UNKL: variants seen among roughly 807,000 people sequenced by gnomAD.
UNKL encodes unk like zinc finger, also known as putative E3 ubiquitin-protein ligase UNKL.
Under a neutral mutation model 78.0 loss-of-function variants are expected in UNKL, and 60 were observed. That is an observed-to-expected ratio of 0.77 (90% confidence interval 0.63 to 0.95). UNKL has a LOEUF of 0.95. Ranked by LOEUF, UNKL falls within the 40% of genes least tolerant of loss-of-function variation. The probability of loss-of-function intolerance (pLI) is 0.00; values close to 1 mark genes in which losing one functional copy is unlikely to be tolerated. For missense variants in UNKL, 1,159 were observed against 1,045.7 expected (o/e 1.11, Z -1.49); for synonymous variants, 608 against 474.8 (o/e 1.28, Z -3.65).
At chr16:1,408,272 A>C (rs1328779554) in intron 2 of UNKL, among the ~76,000 whole-genome samples, 1 of 142,844 alleles carries the variant, frequency 7.0e-6, no homozygotes, top group Non-Finnish European at 1.6e-5. Context: ...CCCCCCCCCC[A>C]ACGACCAGGA....
rs913943432 is a variant in UNKL, at chr16:1,397,158, G to A, written c.852+20C>T. 1.3e-6 allele frequency: 2 copies of A among 1,543,670 alleles called. No individual in the cohort carries two copies. Among genetic ancestry groups the A allele is most frequent in the Non-Finnish European group, 8.7e-7 (1 of 1,144,338 alleles). On this transcript the variant is annotated intron_variant, in intron 6 of 14. Coordinates refer to ENST00000389221, the MANE Select transcript of UNKL (RefSeq NM_001372107.1). ...GGACCTTCCAGCGACCCCTACGCCT[G>A]GGGGGTTGGAGGGACGTACCTCGGG...
At chr16:1,413,800 C>A (rs1567245464) in intron 2 of UNKL, 46 bp downstream of exon 2, 10 of 1,479,022 alleles carry the variant, frequency 6.8e-6, no homozygotes, top group Middle Eastern at 2.4e-4. Flanking sequence ...CGGGTGGAGG[C>A]CCCCCACCTC....
intron 4 of UNKL, chr16:1,401,365 G>C (rs751081391): frequency 5.6e-6 from 3 of 531,592 alleles, no homozygotes; most frequent in Non-Finnish European, 8.9e-6. Context: ...GAGCAGGTGC[G>C]GGGGAAGGCG....
At chr16:1,385,549 G>C (rs1294899954) in intron 9 of UNKL, 164 bp from the exon 10 acceptor site, 8 of 614,906 alleles carry the variant, frequency 1.3e-5, no homozygotes, top group African/African-American at 5.8e-5. Flanking sequence ...CCGCACCGAG[G>C]AGAAACACCA....
chr16:1,414,170 C>A, intron 1 of UNKL, 115 bp from the exon 2 acceptor site: 1 of 1,083,194 alleles, frequency 9.2e-7, no homozygotes, highest in Non-Finnish European at 1.3e-6. Context: ...GACCCGTACT[C>A]ACATTCCCGG....
At position 1,366,124 on chromosome 16, in the gene UNKL, G is replaced by A. The variant is rs1260683872; in HGVS notation, c.*116C>T. 8 of 1,265,802 alleles carry A rather than the reference G, an allele frequency of 6.3e-6. No individual in the cohort carries two copies. Among genetic ancestry groups the A allele is most frequent in the African/African-American group, 1.5e-5 (1 of 65,950 alleles). 78.4% of individuals were successfully genotyped at this position (1,265,802 alleles called of 1,614,324 possible). On this transcript the variant is annotated 3_prime_UTR_variant, in exon 15 of 15. Coordinates refer to ENST00000389221, the MANE Select transcript of UNKL (RefSeq NM_001372107.1). ...CCTCATGATAACGTGTAACAGGAAG[G>A]GCTCCCAGCCTCGGTCCTCACGTCG...
chr16:1,376,740 C>T lies in UNKL; in HGVS notation c.1265-5129G>A, dbSNP rs1264389273. On this transcript the variant is annotated intron_variant, in intron 10 of 14. Transcript: ENST00000389221. Reference sequence around the variant, plus strand: ...TGGACGCCTGATGCTGCGGATAGCACGGAACCCCTATATACCAAGCTTTTT... The same window carrying T: ...TGGACGCCTGATGCTGCGGATAGCATGGAACCCCTATATACCAAGCTTTTT... Among the ~76,000 whole-genome samples the T allele has an allele frequency of 2.0e-5, 3 of 152,000 alleles. 1 individual carries two copies. The highest frequency in any genetic ancestry group is 4.1e-4 in the South Asian group (2 of 4,828).
rs1007075142 is a variant in UNKL, at chr16:1,371,781, C to A, written c.1265-170G>T. ...GACACCCCCAGCCCGTCCTCGCAGC[C>A]CCCCACAGGCAGTGTGAGGCTTGGC... On this transcript the variant is annotated intron_variant, in intron 10 of 14. Coordinates refer to ENST00000389221, the MANE Select transcript of UNKL (RefSeq NM_001372107.1). 6.6e-5 allele frequency among the ~76,000 whole-genome samples: 10 copies of A among 152,270 alleles called. No individual in the cohort carries two copies. The South Asian group carries it at 2.1e-3, about 32-fold the overall frequency.
Position 1,399,402 on chromosome 16 carries a change from G to A in UNKL, c.706C>T (p.Arg236Trp), listed in dbSNP as rs1440994487. ...TACTGGAACCGCCGGGGGTTGCGCC[G>A]CCTGTCCCGGCTATTGTGGTAGTGT... ...CPHYHNSRDR[R>W]RNPRRFQYRS... is the part of the protein sequence containing the mutation. The change falls in exon 5 of 15, where the codon CGG (arginine) becomes TGG (tryptophan). Residue 236 changes from arginine to tryptophan, a missense_variant. Arg to Trp is a moderately radical substitution (Grantham distance 101). Transcript: ENST00000389221. This position sits in a 1 kb window ranked among gnomAD's most constrained non-coding sequence, Gnocchi z 5.8. 5.0e-6 allele frequency: 8 copies of A among 1,601,004 alleles called. No homozygotes were observed. The highest frequency in any genetic ancestry group is 6.0e-6 in the Non-Finnish European group (7 of 1,173,580).
In UNKL at chr16:1,403,276, C is replaced by A; in HGVS notation, c.356G>T (p.Gly119Val). Residue 119 changes from glycine (G) to valine (V), a missense_variant, in exon 3 of 15, where the codon GGA (glycine) becomes GTA (valine). Physicochemically the swap from Gly to Val is moderately radical, Grantham distance 109. Coordinates refer to ENST00000389221, the MANE Select transcript of UNKL (RefSeq NM_001372107.1). This position sits in a 1 kb window ranked among gnomAD's most constrained non-coding sequence, Gnocchi z 4.8. ...RKYHLRYYKTGTCIHETDARG... is the reference protein window; with the variant it reads ...RKYHLRYYKTVTCIHETDARG... The stretch of plus-strand genomic sequence containing the variant: ...TGCGTCTGTCTCGTGGATGCAGGTT[C>A]CTGTTTTGTAGTAACGCAGGTGGTA... The A allele has an allele frequency of 6.2e-7, 1 of 1,614,186 alleles. No homozygotes were observed. Among genetic ancestry groups the A allele is most frequent in the Non-Finnish European group, 8.5e-7 (1 of 1,180,036 alleles).
At chr16:1,381,351 G>T (rs1489083171) in intron 10 of UNKL, among the ~76,000 whole-genome samples, 1 of 152,244 alleles carries the variant, frequency 6.6e-6, no homozygotes, top group Non-Finnish European at 1.5e-5. Context: ...CGGGTGTGGT[G>T]GCTCACGCCT....
intron 10 of UNKL, among the ~76,000 whole-genome samples, chr16:1,374,205 C>T (rs1395097719): frequency 6.6e-6 from 1 of 152,164 alleles, no homozygotes; most frequent in East Asian, 1.9e-4. Flanking sequence ...TGGGGCACAC[C>T]ACACAGGGAC....
At chr16:1,378,164 A>G (rs1399520992) in intron 10 of UNKL, among the ~76,000 whole-genome samples, 1 of 151,980 alleles carries the variant, frequency 6.6e-6, no homozygotes, top group East Asian at 1.9e-4. Context: ...CCCCCACTAC[A>G]TCCTTGCAGG....
rs2035113727 is a variant in UNKL, at chr16:1,364,848, A to C, written c.*1392T>G. 6.6e-6 allele frequency: 1 copy of C among 152,226 alleles called. No homozygotes were observed. Among genetic ancestry groups the C allele is most frequent in the African/African-American group, 2.4e-5 (1 of 41,428 alleles). 9.4% of individuals were successfully genotyped at this position (152,226 alleles called of 1,614,324 possible). ...CACACACGGCCCGAGCATCTCCCAC[A>C]CGAGCAGGACCAGGGTGGTCACGGG... is the stretch of plus-strand genomic sequence containing the variant. On this transcript the variant is annotated 3_prime_UTR_variant, in exon 15 of 15. Transcript: ENST00000389221.
chr16:1,375,166 T>C (rs2036123656), intron 10 of UNKL, among the ~76,000 whole-genome samples: 1 of 152,086 alleles, frequency 6.6e-6, no homozygotes, highest in Non-Finnish European at 1.5e-5. Context: ...CGTGCCGCGG[T>C]GGTGGCCCCA....
chr16:1,366,279 A>G lies in UNKL; in HGVS notation c.2163T>C (p.Pro721=), dbSNP rs1381883831. 6.3e-6 allele frequency: 10 copies of G among 1,593,414 alleles called. No individual in the cohort carries two copies. The highest frequency in any genetic ancestry group is 8.5e-6 in the Non-Finnish European group (10 of 1,171,528). ...GCTGGCCCTTGCAGTAGGGGCACTC[A>G]GGTGCGGTGGCCGCACACGGCTCAC... is the stretch of plus-strand genomic sequence containing the variant. ...ILCEPCAATA[P]ECPYCKGQPL... The change falls in exon 15 of 15, where the codon CCT becomes CCC. Residue 721 remains proline, a synonymous_variant. Transcript: ENST00000389221.
chr16:1,378,007 C>T (rs1189000325), intron 10 of UNKL, among the ~76,000 whole-genome samples: 1 of 152,182 alleles, frequency 6.6e-6, no homozygotes, highest in Admixed American at 6.5e-5. Flanking sequence ...CTTGCGCGTG[C>T]CGGTCACCGC....
At chr16:1,402,727 G>C (rs369433063) in intron 3 of UNKL, among the ~76,000 whole-genome samples, 2 of 151,880 alleles carry the variant, frequency 1.3e-5, no homozygotes, top group Non-Finnish European at 2.9e-5. Flanking sequence ...GTGGCTCACT[G>C]TAATCCCAGC....
intron 4 of UNKL, among the ~76,000 whole-genome samples, chr16:1,400,493 CAG>C (rs2142197265): frequency 8.0e-6 from 1 of 124,520 alleles, no homozygotes; most frequent in South Asian, 2.6e-4. Context: ...CACAAATTCA[CAG>C]AGATGGGATG....
Sources: allele counts gnomAD v4.1 joint callset (sites outside exome capture counted in the v4.1 genomes callset), GRCh38; gene constraint gnomAD v4.1.1; non-coding constraint Gnocchi (gnomAD v3.1); transcripts MANE v1.5; gene names NCBI Gene and HGNC (gene_info 2026-07-23, HGNC 2026-07-21).